Variants in ACSM3 observed in about 807,000 individuals in gnomAD.
ACSM3 encodes acyl-CoA synthetase medium chain family member 3.
ACSM3 carries 61 observed loss-of-function variants against 74.1 expected under a neutral mutation model. The observed-to-expected ratio is 0.82, with a 90% confidence interval of 0.67 to 1.02. The LOEUF is 1.02. ACSM3 is among the 50% of genes least tolerant of loss of function. The pLI is 0.00. For missense variants in ACSM3, 660 were observed against 697.0 expected (o/e 0.95, Z 0.60); for synonymous variants, 213 against 241.5 (o/e 0.88, Z 1.09).
chr16:20,728,202 C>G, intron 1 of ACSM3: 1 of 334,630 alleles, frequency 3.0e-6, no homozygotes, highest in East Asian at 6.5e-5. Flanking sequence ...AAAAATTAAA[C>G]CAGGCTCAAT....
chr16:20,760,284 G>C (rs1293324641), upstream of ACSM3, among the ~76,000 whole-genome samples: 1 of 152,124 alleles, frequency 6.6e-6, no homozygotes, highest in Non-Finnish European at 1.5e-5. Flanking sequence ...CATTCTGTAG[G>C]AAAATCTCCT....
intron 3 of ACSM3, among the ~76,000 whole-genome samples, chr16:20,757,904 TG>T (rs2080044899): frequency 6.6e-6 from 1 of 152,230 alleles, no homozygotes; most frequent in South Asian, 2.1e-4. Flanking sequence ...ATGTGGTTTT[TG>T]TCTTTGGTTC....
At chr16:20,731,521 T>A (rs997966888) in intron 1 of ACSM3, 1 of 223,554 alleles carries the variant, frequency 4.5e-6, no homozygotes, top group African/African-American at 2.3e-5. Context: ...CAGTCATCAC[T>A]CAAACTGCTA....
At chr16:20,769,417 G>A (rs2080164194) in intron 1 of ACSM3, among the ~76,000 whole-genome samples, 1 of 152,242 alleles carries the variant, frequency 6.6e-6, no homozygotes, top group Admixed American at 6.5e-5. Flanking sequence ...CCCCTATTGA[G>A]AGCATGGGAA....
chr16:20,741,863 C>G, intron 1 of ACSM3: 1 of 1,535,614 alleles, frequency 6.5e-7, no homozygotes, highest in Non-Finnish European at 8.7e-7. Flanking sequence ...GCCTCGAAGC[C>G]TCATTCCGTG....
chr16:20,678,011 AAAATAAATAAATAAAT>A (rs146714630), intron 1 of ACSM3, among the ~76,000 whole-genome samples: 1 of 143,762 alleles, frequency 7.0e-6, no homozygotes, highest in Non-Finnish European at 1.5e-5. Context: ...ACTAAAGGCT[AAAATAAATAAATAAAT>A]AAATAAATAA....
chr16:20,731,912 A>G (rs758564127), intron 1 of ACSM3, among the ~76,000 whole-genome samples: 4 of 152,220 alleles, frequency 2.6e-5, no homozygotes, highest in Non-Finnish European at 5.9e-5. Context: ...AATGCATTAT[A>G]AACTAGAGCC....
chr16:20,749,006 G>A (rs917268488), intron 1 of ACSM3, among the ~76,000 whole-genome samples: 3 of 151,846 alleles, frequency 2.0e-5, no homozygotes, highest in South Asian at 4.2e-4. Flanking sequence ...AGCCATAATC[G>A]CACTCTATGA....
At chr16:20,753,855 A>T (rs1287557029) in intron 2 of ACSM3, among the ~76,000 whole-genome samples, 2 of 151,662 alleles carry the variant, frequency 1.3e-5, no homozygotes, top group African/African-American at 4.9e-5. Flanking sequence ...AAAGAAATGA[A>T]AAGAAGAAAG....
chr16:20,706,330 G>A (rs570313905), intron 1 of ACSM3, among the ~76,000 whole-genome samples: 1 of 152,128 alleles, frequency 6.6e-6, no homozygotes, highest in Admixed American at 6.5e-5. Context: ...AGAGGAAAAT[G>A]ATACATTACA....
chr16:20,794,922 A>G (rs1397952744), intron 12 of ACSM3, among the ~76,000 whole-genome samples: 1 of 152,206 alleles, frequency 6.6e-6, no homozygotes, highest in Non-Finnish European at 1.5e-5. Flanking sequence ...AAAAAGATAA[A>G]AGAGACTATC....
chr16:20,705,352 G>A (rs1204724609), intron 1 of ACSM3, among the ~76,000 whole-genome samples: 11 of 141,204 alleles, frequency 7.8e-5, no homozygotes, highest in Non-Finnish European at 1.1e-4. Flanking sequence ...CAGCCTGGGC[G>A]ACAGAGCGAG....
intron 1 of ACSM3, among the ~76,000 whole-genome samples, chr16:20,718,989 C>A (rs2079776475): frequency 6.6e-6 from 1 of 152,154 alleles, no homozygotes; most frequent in East Asian, 1.9e-4. Context: ...CATCAATGGA[C>A]AAACTCAAAA....
intron 1 of ACSM3, chr16:20,736,632 C>T (rs976948223): frequency 6.9e-6 from 3 of 437,142 alleles, no homozygotes; most frequent in African/African-American, 5.9e-5. Flanking sequence ...GAGAGGCCAA[C>T]ATCCCCCTCC....
chr16:20,695,574 A>G (rs2079685123), intron 1 of ACSM3, among the ~76,000 whole-genome samples: 2 of 151,970 alleles, frequency 1.3e-5, no homozygotes, highest in South Asian at 4.2e-4. Flanking sequence ...CTATCTATCT[A>G]TTACCTATCT....
Position 20,781,046 on chromosome 16 carries a change from G to C in ACSM3, c.855G>C (p.Trp285Cys), listed in dbSNP as rs1318176496. The change falls in exon 6 of 14, where the codon TGG (tryptophan) becomes TGC (cysteine). Residue 285 changes from tryptophan (W) to cysteine (C), a missense_variant. By Grantham distance (215) the Trp-to-Cys change is radical. Transcript: ENST00000289416. ...ATACGGGCTGGGCAAAGTCTGCATGGAGTAGTGTTTTTTCTCCGTGGATCC... is the reference window on the plus strand; with the variant it reads ...ATACGGGCTGGGCAAAGTCTGCATGCAGTAGTGTTTTTTCTCCGTGGATCC... The part of the protein sequence containing the change: ...TSDTGWAKSA[W>C]SSVFSPWIQG... The C allele has an allele frequency of 6.2e-7, 1 of 1,614,082 alleles. No individual in the cohort carries two copies. Among genetic ancestry groups the C allele is most frequent in the Admixed American group, 1.7e-5 (1 of 59,998 alleles).
intron 3 of ACSM3, chr16:20,755,651 A>G (rs1567338894): frequency 6.7e-6 from 1 of 149,964 alleles, no homozygotes; most frequent in East Asian, 1.9e-4. Context: ...TATTATTATT[A>G]TACTTTAAGT....
chr16:20,705,528 A>T (rs2079724985), intron 1 of ACSM3, among the ~76,000 whole-genome samples: 1 of 152,234 alleles, frequency 6.6e-6, no homozygotes, highest in Non-Finnish European at 1.5e-5. Flanking sequence ...GGAGCTTCAA[A>T]TTTTGTGTAT....
chr16:20,769,176 A>C (rs1214894398), intron 1 of ACSM3, among the ~76,000 whole-genome samples: 1 of 152,218 alleles, frequency 6.6e-6, no homozygotes, highest in Non-Finnish European at 1.5e-5. Flanking sequence ...CATTGTAGGA[A>C]ATTTGGAAAA....
Sources: gnomAD v4.1 joint callset for allele counts (sites outside exome capture counted in the v4.1 genomes callset) on GRCh38, gnomAD v4.1.1 for gene constraint, MANE v1.5 for transcripts, NCBI Gene and HGNC (gene_info 2026-07-23, HGNC 2026-07-21) for gene names.